The following HERC1 variants were observed in gnomAD, a reference collection of about 807,000 sequenced individuals.
The protein encoded by HERC1 is probable E3 ubiquitin-protein ligase HERC1.
HERC1 carries 160 observed loss-of-function variants against 554.3 expected under a neutral mutation model. The observed-to-expected ratio is 0.29, with a 90% CI of 0.25 to 0.33. HERC1 has a LOEUF of 0.33. Among genes scored for constraint, HERC1 ranks in the 10% least tolerant of loss-of-function variants. HERC1 has a pLI of 1.00. For missense variants in HERC1, 4,919 were observed against 5,918.5 expected (o/e 0.83, Z 5.54); for synonymous variants, 2,175 against 2,131.7 (o/e 1.02, Z -0.56).
rs547454518 is a variant in HERC1, at chr15:63,634,418, C to T, written c.12570+315G>A. Among the ~76,000 whole-genome samples, 34 of 152,306 alleles carry T rather than the reference C, an allele frequency of 2.2e-4. 1 individual carries two copies. In the South Asian group the frequency reaches 6.2e-3, roughly 28 times the overall value. ...AGCCATACAACTCAAGGATACCAGA[C>T]AGGAGCTACTAGTATCTGTATTTTT... On this transcript the variant is annotated intron_variant, in intron 66 of 77. Transcript: ENST00000443617.
chr15:63,624,949 T>C (rs2068236716), intron 71 of HERC1, among the ~76,000 whole-genome samples: 1 of 152,236 alleles, frequency 6.6e-6, no homozygotes, highest in African/African-American at 2.4e-5. Context: ...TTCTCTTCTG[T>C]GTATGCACAC....
chr15:63,684,963 C>T (rs1363222320), intron 34 of HERC1, among the ~76,000 whole-genome samples: 6 of 152,290 alleles, frequency 3.9e-5, no homozygotes, highest in Non-Finnish European at 8.8e-5. Context: ...GAGCCAAGAT[C>T]GCACCACTGC....
chr15:63,788,139 G>T (rs1201688795), intron 1 of HERC1, among the ~76,000 whole-genome samples: 2 of 152,082 alleles, frequency 1.3e-5, no homozygotes, highest in Admixed American at 1.3e-4. Flanking sequence ...AAGCAGTACA[G>T]AATGTGAAAA....
chr15:63,713,990 G>C (rs1269337660), intron 22 of HERC1, among the ~76,000 whole-genome samples: 1 of 151,962 alleles, frequency 6.6e-6, no homozygotes, highest in East Asian at 1.9e-4. Flanking sequence ...CACATCATCT[G>C]GGCACTTGTT....
intron 59 of HERC1, among the ~76,000 whole-genome samples, 166 bp from the exon 60 acceptor site, chr15:63,641,809 T>A (rs189784908): frequency 6.6e-6 from 1 of 152,318 alleles, no homozygotes; most frequent in Admixed American, 6.5e-5. Context: ...CTTCAAAATA[T>A]CCTAAATTTT....
chr15:63,750,760 G>A lies in HERC1; in HGVS notation c.1903-969C>T, dbSNP rs994607462. Among the ~76,000 whole-genome samples the A allele has an allele frequency of 2.0e-5, 3 of 152,054 alleles. No homozygotes were observed. In the East Asian group the frequency reaches 5.8e-4, roughly 29 times the overall value. On this transcript the variant is annotated intron_variant, in intron 8 of 77. Transcript: ENST00000443617. ...CAGCCTGGACAATGTGGCAAGACCC[G>A]ATCTCCACAAAAATTTAAAAAAATT...
chr15:63,760,090 G>A (rs2075557534), intron 3 of HERC1, among the ~76,000 whole-genome samples: 1 of 121,610 alleles, frequency 8.2e-6, no homozygotes. Context: ...CCCCTACACT[G>A]AGAAAAACTA....
At position 63,758,494 on chromosome 15, in the gene HERC1, T is replaced by C; in HGVS notation, c.1027-125A>G. The C allele has an allele frequency of 1.6e-6, 1 of 622,588 alleles. No homozygotes were observed. The allele number at this position is 622,588 out of a possible 1,614,324, so 38.6% of individuals were successfully genotyped here. ...CACTCTCAAATGCTCAAAGAACCTA[T>C]TAAATAAAGATAACTAGACTATTTA... On this transcript the variant is annotated intron_variant, in intron 3 of 77. Coordinates refer to ENST00000443617, the MANE Select transcript of HERC1 (RefSeq NM_003922.4). The surrounding 1 kb of genome is among the most constrained non-coding windows in gnomAD (Gnocchi z 4.0).
chr15:63,690,556 A>G lies in HERC1; in HGVS notation c.5922T>C (p.Asp1974=), dbSNP rs1370012988. The change falls in exon 32 of 78, where the codon GAT becomes GAC. Residue 1974 remains aspartate (D), a synonymous_variant. Transcript: ENST00000443617. Reference sequence around the variant, plus strand: ...AAATAAAAACCTGGGCCATTTGATCATCTTCTACACCAGATTCACAAGCTG... The same window carrying G: ...AAATAAAAACCTGGGCCATTTGATCGTCTTCTACACCAGATTCACAAGCTG... ...VLPACESGVE[D]DQMAQIVERL... is the part of the protein sequence containing the mutation. The G allele has an allele frequency of 5.0e-6, 8 of 1,605,878 alleles. No individual in the cohort carries two copies. Among genetic ancestry groups the G allele is most frequent in the Non-Finnish European group, 6.8e-6 (8 of 1,176,140 alleles).
chr15:63,661,991 C>T lies in HERC1; in HGVS notation c.8932G>A (p.Val2978Met), dbSNP rs941880340. The T allele has an allele frequency of 6.2e-7, 1 of 1,613,736 alleles. No homozygotes were observed. Residue 2978 changes from valine to methionine, a missense_variant, in exon 45 of 78, where the codon GTG becomes ATG. This residue lies in a region of HERC1 where 1,963 missense variants were observed against 2,228.6 expected (regional missense o/e 0.88). Transcript: ENST00000443617. The stretch of plus-strand genomic sequence containing the variant: ...CATTCACACAGTTCACACACCACCA[C>T]TTCTTCCCTGTCTTCAGACTCACAA... ...HVCESEDREE[V>M]VVCELCECSV...
At chr15:63,651,120 T>C (rs938379593) in intron 53 of HERC1, 133 bp downstream of exon 53, 28 of 767,442 alleles carry the variant, frequency 3.6e-5, no homozygotes, top group Middle Eastern at 3.3e-4. Context: ...AGTGCATAGA[T>C]TGAAATTTCA....
Position 63,689,654 on chromosome 15 carries a change from T to G in HERC1, c.5983A>C (p.Thr1995Pro), listed in dbSNP as rs2228512. 1 of 1,589,932 alleles carries G rather than the reference T, an allele frequency of 6.3e-7. No homozygotes were observed. Among genetic ancestry groups the G allele is most frequent in the Admixed American group, 1.8e-5 (1 of 56,622 alleles). The change falls in exon 33 of 78, where the codon ACA (threonine) becomes CCA (proline). Residue 1995 changes from threonine to proline, a missense_variant. By Grantham distance (38) the Thr-to-Pro change is conservative. Around this residue, in one of 11 missense-constraint regions of HERC1, gnomAD observed 1,121 missense variants for 1,244.0 expected, o/e 0.90. Transcript: ENST00000443617. ...FSLLSDCMWE[T>P]PIAQAKHAIQ... ...GCATGTTTGGCCTGAGCAATGGGTGTCTCCCACATACAATCAGAGAGAAGG... is the reference window on the plus strand; with the variant it reads ...GCATGTTTGGCCTGAGCAATGGGTGGCTCCCACATACAATCAGAGAGAAGG...
In HERC1 at chr15:63,678,136, G is replaced by C; in HGVS notation, c.6779C>G (p.Ser2260Trp). ...ESGQKLKKSR[S>W]VQSREENEMR... ...TTCATTTTCCTCTCGGCTCTGAACCGAGCGGCTTTTCTTTAGCTTCTGACC... is the reference window on the plus strand; with the variant it reads ...TTCATTTTCCTCTCGGCTCTGAACCCAGCGGCTTTTCTTTAGCTTCTGACC... The change falls in exon 37 of 78, where the codon TCG becomes TGG. Residue 2260 changes from serine (S) to tryptophan (W), a missense_variant. Ser to Trp is a radical substitution (Grantham distance 177). Transcript: ENST00000443617. The C allele has an allele frequency of 1.2e-6, 2 of 1,613,824 alleles. No homozygotes were observed. Among genetic ancestry groups the C allele is most frequent in the Non-Finnish European group, 1.7e-6 (2 of 1,179,862 alleles).
chr15:63,737,774 A>G (rs980216180), intron 12 of HERC1, among the ~76,000 whole-genome samples: 2 of 151,938 alleles, frequency 1.3e-5, no homozygotes, highest in African/African-American at 4.8e-5. Flanking sequence ...AGAACTTGCT[A>G]TATAGCATCT....
At chr15:63,623,954 T>C in intron 72 of HERC1, 64 bp from the exon 73 acceptor site, 1 of 1,538,106 alleles carries the variant, frequency 6.5e-7, no homozygotes, top group Non-Finnish European at 8.9e-7. Flanking sequence ...AATCACATGA[T>C]ATCTTCCCAT....
chr15:63,670,749 A>C (rs2070869637), intron 39 of HERC1, among the ~76,000 whole-genome samples: 1 of 152,144 alleles, frequency 6.6e-6, no homozygotes, highest in South Asian at 2.1e-4. Context: ...AGAGGGATTA[A>C]AAACCATATT....
At chr15:63,818,163 A>G (rs1039579023) in intron 1 of HERC1, among the ~76,000 whole-genome samples, 2 of 152,148 alleles carry the variant, frequency 1.3e-5, no homozygotes, top group African/African-American at 4.8e-5. Flanking sequence ...TTTAAGTATT[A>G]TTTATTTTTA....
At position 63,660,918 on chromosome 15, in the gene HERC1, C is replaced by T; in HGVS notation, c.9223+55G>A. 3 of 1,037,556 alleles carry T rather than the reference C, an allele frequency of 2.9e-6. No individual in the cohort carries two copies. The South Asian group carries it at 3.8e-5, about 13-fold the overall frequency. The allele number at this position is 1,037,556 out of a possible 1,614,324, so 64.3% of individuals were successfully genotyped here. On this transcript the variant is annotated intron_variant, in intron 46 of 77. Coordinates refer to ENST00000443617, the MANE Select transcript of HERC1 (RefSeq NM_003922.4). ...GTGAATTTTAGTAACAGATGTTAAG[C>T]AGAGAGGATATATAAAAAAACATGT...
chr15:63,634,106 C>G lies in HERC1; in HGVS notation c.12571-136G>C, dbSNP rs1021478128. 17 of 901,698 alleles carry G rather than the reference C, an allele frequency of 1.9e-5. No homozygotes were observed. The African/African-American group carries it at 2.5e-4, about 13-fold the overall frequency. 55.9% of individuals were successfully genotyped at this position (901,698 alleles called of 1,614,324 possible). ...ATATCTACAATGGTTTCAGAGCATACTACAAATGTTAACCAAAGTAAGTCA... is the reference window on the plus strand; with the variant it reads ...ATATCTACAATGGTTTCAGAGCATAGTACAAATGTTAACCAAAGTAAGTCA... On this transcript the variant is annotated intron_variant, in intron 66 of 77. Coordinates refer to ENST00000443617, the MANE Select transcript of HERC1 (RefSeq NM_003922.4).
Sources: allele counts gnomAD v4.1 joint callset (sites outside exome capture counted in the v4.1 genomes callset), GRCh38; gene constraint gnomAD v4.1.1; regional missense constraint gnomAD v4.1.1; non-coding constraint Gnocchi (gnomAD v3.1); transcripts MANE v1.5; gene names NCBI Gene and HGNC (gene_info 2026-07-23, HGNC 2026-07-21).